The following SMC3 variants were observed in gnomAD, a reference collection of about 807,000 sequenced individuals.
The protein encoded by SMC3 is structural maintenance of chromosomes protein 3.
A neutral mutation model predicts 171.8 loss-of-function variants in SMC3; 20 were observed. That is an observed-to-expected ratio of 0.12 (90% CI 0.08 to 0.17). SMC3 has a LOEUF of 0.17. Ranked by LOEUF, SMC3 falls within the 10% of genes least tolerant of loss-of-function variation. SMC3 has a pLI of 1.00. For synonymous variants in SMC3, 464 were observed against 451.1 expected, an observed-to-expected ratio of 1.03 and a Z score of -0.36; for missense variants, 543 against 1,420.4, an observed-to-expected ratio of 0.38 and a Z score of 9.93.
Position 110,601,081 on chromosome 10 carries a change from A to G in SMC3, c.2595A>G (p.Glu865=). Reference sequence around the variant, plus strand: ...CTGTTCTCACAGCCACAACATCAGAACTTGAAGCCATCAATAAAAGAGTAA... The same window carrying G: ...CTGTTCTCACAGCCACAACATCAGAGCTTGAAGCCATCAATAAAAGAGTAA... ...GGTVLTATTS[E]LEAINKRVKD... is the part of the protein sequence containing the mutation. The change falls in exon 23 of 29, where the codon GAA becomes GAG. Residue 865 remains glutamate (E), a synonymous_variant. Transcript: ENST00000361804. 1 of 1,613,788 alleles carries G rather than the reference A, an allele frequency of 6.2e-7. No homozygotes were observed. Among genetic ancestry groups the G allele is most frequent in the Non-Finnish European group, 8.5e-7 (1 of 1,179,780 alleles).
intron 17 of SMC3, among the ~76,000 whole-genome samples, chr10:110,591,699 A>C (rs751463924): frequency 6.6e-6 from 1 of 152,200 alleles, no homozygotes; most frequent in South Asian, 2.1e-4. Context: ...AATTGCTTTG[A>C]GGTACTTGAC....
chr10:110,579,114 T>C (rs117871406), intron 7 of SMC3, among the ~76,000 whole-genome samples: 2,134 of 152,318 alleles, frequency 0.014, 25 homozygotes, highest in Non-Finnish European at 0.022. Flanking sequence ...CCACATGTTA[T>C]TTTCCCTAAT....
Position 110,602,780 on chromosome 10 carries a change from G to A in SMC3, c.3298-45G>A, listed in dbSNP as rs567404114. 1.9e-6 allele frequency: 3 copies of A among 1,591,074 alleles called. No individual in the cohort carries two copies. The South Asian group carries it at 3.3e-5, about 18-fold the overall frequency. ...CAAGTTACTTTTGAAAGATGGTGGT[G>A]ATTCTGCCCTTTAGGATATTAACTC... On this transcript the variant is annotated intron_variant, in intron 26 of 28. Transcript: ENST00000361804.
Position 110,599,783 on chromosome 10 carries a change from C to T in SMC3, c.2398C>T (p.Leu800=). Residue 800 remains leucine, a synonymous_variant, in exon 21 of 29, where the codon CTG becomes TTG. Coordinates refer to ENST00000361804, the MANE Select transcript of SMC3 (RefSeq NM_005445.4). ...GGAAGATCAGAAGAGAGTAGATGCA[C>T]TGAATGATGAGATTCGTCAACTTCA... ...SLEDQKRVDA[L]NDEIRQLQQE... is the part of the protein sequence containing the mutation. 5 of 1,614,084 alleles carry T rather than the reference C, an allele frequency of 3.1e-6. No homozygotes were observed. The highest frequency in any genetic ancestry group is 1.7e-4 in the Middle Eastern group (1 of 6,060).
rs59010687 is a variant in SMC3 at position 110,582,931 on chromosome 10, G to GT, written c.804+305dup. Among the ~76,000 whole-genome samples the GT allele has an allele frequency of 0.022, 3,044 of 136,172 alleles. 56 individuals are homozygous for GT. The highest frequency in any genetic ancestry group is 0.025 in the Non-Finnish European group (1,620 of 63,566). The allele number at this position is 136,172 out of a possible 152,430, so 89.3% of individuals were successfully genotyped here. ...GGTCCTTCTGCCTCAGCCTCCTGAAGTTTTTTTTTTTTTTTTGGAAGACAG... is the reference window on the plus strand; with the variant it reads ...GGTCCTTCTGCCTCAGCCTCCTGAAGTTTTTTTTTTTTTTTTTGGAAGACAG... On this transcript the variant is annotated intron_variant, in intron 10 of 28. Coordinates refer to ENST00000361804, the MANE Select transcript of SMC3 (RefSeq NM_005445.4).
At position 110,584,323 on chromosome 10, in the gene SMC3, G is replaced by A; in HGVS notation, c.1232G>A (p.Arg411Lys). The A allele has an allele frequency of 6.2e-7, 1 of 1,614,028 alleles. No homozygotes were observed. The highest frequency in any genetic ancestry group is 1.3e-5 in the African/African-American group (1 of 75,060). The change falls in exon 13 of 29, where the codon AGA becomes AAA. Residue 411 changes from arginine (R) to lysine (K), a missense_variant. Transcript: ENST00000361804. ...SLDQAINDKK[R>K]QIAAIHKDLE... The stretch of plus-strand genomic sequence containing the variant: ...GATCAGGCTATTAATGACAAGAAAA[G>A]ACAGATTGCTGCTATACATAAGGAT...
At chr10:110,569,829 T>C (rs749117213) in intron 2 of SMC3, among the ~76,000 whole-genome samples, 1 of 152,194 alleles carries the variant, frequency 6.6e-6, no homozygotes. Context: ...TTGCTCAGAT[T>C]GTAGTGTGCA....
Position 110,578,549 on chromosome 10 carries a change from A to T in SMC3, c.351-79A>T, listed in dbSNP as rs955684370. On this transcript the variant is annotated intron_variant, in intron 6 of 28. Transcript: ENST00000361804. Reference sequence around the variant, plus strand: ...TGATCTTTCCTCCCTAATGCTATCAACCAAGGGGCTACTCTACTCATTGCT... The same window carrying T: ...TGATCTTTCCTCCCTAATGCTATCATCCAAGGGGCTACTCTACTCATTGCT... 24 of 999,716 alleles carry T rather than the reference A, an allele frequency of 2.4e-5. No homozygotes were observed. The African/African-American group carries it at 3.7e-4, about 15-fold the overall frequency. 61.9% of individuals were successfully genotyped at this position (999,716 alleles called of 1,614,324 possible). A position where few individuals can be genotyped will look rare whatever the true frequency, so the allele number is the denominator to read the frequency against.
chr10:110,568,102 C>T (rs1860804120), intron 1 of SMC3, among the ~76,000 whole-genome samples: 1 of 152,116 alleles, frequency 6.6e-6, no homozygotes, highest in Non-Finnish European at 1.5e-5. Context: ...GAAGGGCCGG[C>T]GGGCGGGCCG....
Position 110,601,774 on chromosome 10 carries a change from C to A in SMC3, c.2782C>A (p.Arg928=), listed in dbSNP as rs202034783. Residue 928 remains arginine (R), a synonymous_variant, in exon 24 of 29, where the codon CGG becomes AGG. Coordinates refer to ENST00000361804, the MANE Select transcript of SMC3 (RefSeq NM_005445.4). ...TAAAGAACTGGAAAAGATGACAAAT[C>A]GGCAAGGCATGCTATTGAAGAAGAA... ...DTKELEKMTN[R]QGMLLKKKEE... 157 of 1,613,582 alleles carry A rather than the reference C, an allele frequency of 9.7e-5. 1 individual carries two copies. In the Middle Eastern group the frequency reaches 1.3e-3, roughly 14 times the overall value.
chr10:110,596,787 TAAAG>T (rs1861306747), intron 19 of SMC3, among the ~76,000 whole-genome samples: 1 of 151,160 alleles, frequency 6.6e-6, no homozygotes, highest in Non-Finnish European at 1.5e-5. Context: ...AACACAAAAA[TAAAG>T]GTTGTATCAG....
Position 110,605,024 on chromosome 10 carries a change from T to A in SMC3, c.*722T>A, listed in dbSNP as rs1160220092. Among the ~76,000 whole-genome samples, 2 of 152,212 alleles carry A rather than the reference T, an allele frequency of 1.3e-5. No individual in the cohort carries two copies. Among genetic ancestry groups the A allele is most frequent in the East Asian group, 3.8e-4 (2 of 5,208 alleles). ...CATATCTTGACAATTTTGAATAATA[T>A]TCACATATTTTGTAGAATGTCCCTC... On this transcript the variant is annotated 3_prime_UTR_variant, in exon 29 of 29. Coordinates refer to ENST00000361804, the MANE Select transcript of SMC3 (RefSeq NM_005445.4).
rs762555190 is a variant in SMC3 at position 110,590,579 on chromosome 10, G to A, written c.1670+7G>A. ...AAGTCACTGCTGGAAACAGGTTAAAGCTTTTGCTTGATATTTAGCATTTTT... is the reference window on the plus strand; with the variant it reads ...AAGTCACTGCTGGAAACAGGTTAAAACTTTTGCTTGATATTTAGCATTTTT... On this transcript the variant is annotated splice_region_variant and intron_variant, in intron 16 of 28. Coordinates refer to ENST00000361804, the MANE Select transcript of SMC3 (RefSeq NM_005445.4). 19 of 1,613,444 alleles carry A rather than the reference G, an allele frequency of 1.2e-5. No individual in the cohort carries two copies. The highest frequency in any genetic ancestry group is 1.5e-5 in the Non-Finnish European group (18 of 1,179,590).
chr10:110,596,673 T>G (rs41292590), intron 19 of SMC3, 123 bp downstream of exon 19: 107 of 884,902 alleles, frequency 1.2e-4, no homozygotes, highest in Non-Finnish European at 1.5e-4. Flanking sequence ...TTCAAGAGCT[T>G]ATGTTTGTTT....
chr10:110,578,505 A>T, intron 6 of SMC3, 123 bp from the exon 7 acceptor site: 1 of 712,690 alleles, frequency 1.4e-6, no homozygotes, highest in Non-Finnish European at 2.5e-6. Context: ...TCTGAGGATG[A>T]TACAGATGGT....
chr10:110,594,181 A>T (rs1205489266), intron 18 of SMC3, among the ~76,000 whole-genome samples: 2 of 146,636 alleles, frequency 1.4e-5, no homozygotes, highest in African/African-American at 5.1e-5. Context: ...ATCCTTCACA[A>T]TTTTTTTTTT....
At chr10:110,592,293 G>C (rs1383208837) in intron 17 of SMC3, among the ~76,000 whole-genome samples, 1 of 151,772 alleles carries the variant, frequency 6.6e-6, no homozygotes, top group Non-Finnish European at 1.5e-5. Context: ...ATAGAACTGG[G>C]AAGTGCAAGG....
intron 13 of SMC3, among the ~76,000 whole-genome samples, chr10:110,589,125 C>CA (rs1478056896): frequency 3.3e-5 from 5 of 152,068 alleles, no homozygotes; most frequent in Admixed American, 3.3e-4. Flanking sequence ...CGCAGTGTCT[C>CA]ACGCCTGTAA....
At position 110,593,061 on chromosome 10, in the gene SMC3, T is replaced by C. The variant is rs1861234366; in HGVS notation, c.1813-12T>C. The C allele has an allele frequency of 1.2e-6, 2 of 1,611,458 alleles. No homozygotes were observed. Among genetic ancestry groups the C allele is most frequent in the Non-Finnish European group, 1.7e-6 (2 of 1,177,610 alleles). ...TGTTGTGATCTCTCTGTTGACAAAA[T>C]TTCATTTTTAGGATGCTATTCCTAT... On this transcript the variant is annotated splice_polypyrimidine_tract_variant and intron_variant, in intron 17 of 28. Coordinates refer to ENST00000361804, the MANE Select transcript of SMC3 (RefSeq NM_005445.4).
Sources: gnomAD v4.1 joint callset for allele counts (sites outside exome capture counted in the v4.1 genomes callset) on GRCh38, gnomAD v4.1.1 for gene constraint, MANE v1.5 for transcripts, NCBI Gene and HGNC (gene_info 2026-07-23, HGNC 2026-07-21) for gene names.